CNTNAP2: variants seen among roughly 807,000 people sequenced by gnomAD.
CNTNAP2 encodes the protein contactin-associated protein-like 2.
In CNTNAP2, 98 loss-of-function variants were observed where a neutral mutation model predicts 155.2. The ratio of observed to expected loss-of-function variants is 0.63; its 90% CI spans 0.54 to 0.75. The LOEUF (loss-of-function observed/expected upper bound fraction) is 0.75. Among genes scored for constraint, CNTNAP2 ranks in the 30% least tolerant of loss-of-function variants. The pLI is 0.00. For synonymous variants in CNTNAP2, 651 were observed against 631.2 expected, an observed-to-expected ratio of 1.03 and a Z score of -0.47; for missense variants, 1,727 against 1,688.1, an observed-to-expected ratio of 1.02 and a Z score of -0.40.
intron 10 of CNTNAP2, among the ~76,000 whole-genome samples, chr7:147,450,278 T>C: frequency 6.6e-6 from 1 of 152,216 alleles, no homozygotes; most frequent in East Asian, 1.9e-4. Flanking sequence ...AGATGCAATA[T>C]GAGGAGCCTC....
At position 147,134,446 on chromosome 7, in the gene CNTNAP2, C is replaced by T. The variant is rs145719113; in HGVS notation, c.1348+1937C>T. On this transcript the variant is annotated intron_variant, in intron 8 of 23. Transcript: ENST00000361727. ...AAAAGATATAAAATCTAAAGATTTC[C>T]GTAGTATTACCCTTCTATAATCCAG... 3.0e-3 allele frequency among the ~76,000 whole-genome samples: 452 copies of T among 151,696 alleles called. 1 individual carries two copies. The highest frequency in any genetic ancestry group is 0.014 in the Middle Eastern group (4 of 288).
chr7:147,506,541 C>T (rs565000943), intron 11 of CNTNAP2, among the ~76,000 whole-genome samples: 357 of 152,328 alleles, frequency 2.3e-3, no homozygotes, highest in Non-Finnish European at 4.1e-3. Flanking sequence ...AGGCGTGAGC[C>T]ACCACGCCTG....
At chr7:146,756,639 A>C (rs1354004265) in intron 1 of CNTNAP2, among the ~76,000 whole-genome samples, 1 of 152,022 alleles carries the variant, frequency 6.6e-6, no homozygotes, top group Non-Finnish European at 1.5e-5. Flanking sequence ...TGTTTCACCA[A>C]ATCGAAAACT....
chr7:148,362,438 T>G (rs1416740721), intron 21 of CNTNAP2, among the ~76,000 whole-genome samples: 3 of 152,164 alleles, frequency 2.0e-5, no homozygotes, highest in African/African-American at 4.8e-5. Flanking sequence ...TTGACATAGC[T>G]TTTTGGGGCA....
intron 13 of CNTNAP2, among the ~76,000 whole-genome samples, chr7:147,864,608 C>T (rs1013411443): frequency 2.0e-5 from 3 of 152,176 alleles, no homozygotes; most frequent in African/African-American, 7.2e-5. Context: ...TTTCATTGAG[C>T]AGTGTTTTGT....
At chr7:147,553,642 G>A (rs1478409961) in intron 11 of CNTNAP2, among the ~76,000 whole-genome samples, 1 of 152,108 alleles carries the variant, frequency 6.6e-6, no homozygotes, top group Admixed American at 6.6e-5. Flanking sequence ...CCTAGGGCAA[G>A]GTATAGTGTT....
intron 21 of CNTNAP2, among the ~76,000 whole-genome samples, chr7:148,290,223 A>G (rs1024835714): frequency 5.3e-5 from 8 of 152,232 alleles, no homozygotes; most frequent in Non-Finnish European, 1.2e-4. Flanking sequence ...AAAATAGAGG[A>G]AAAAGAAAAA....
chr7:147,072,687 T>C (rs998042261), intron 4 of CNTNAP2, among the ~76,000 whole-genome samples: 2 of 152,044 alleles, frequency 1.3e-5, no homozygotes, highest in Admixed American at 1.3e-4. Flanking sequence ...ATGCCTCCCA[T>C]GTGTCAGTCT....
In CNTNAP2 at chr7:147,249,900, C is replaced by G. The variant is rs998043347; in HGVS notation, c.1349-50241C>G. Among the ~76,000 whole-genome samples the G allele has an allele frequency of 3.3e-5, 5 of 152,168 alleles. No homozygotes were observed. In the East Asian group the frequency reaches 9.6e-4, roughly 29 times the overall value. On this transcript the variant is annotated intron_variant, in intron 8 of 23. Transcript: ENST00000361727. ...CTCTGCACACACAACCCTCACGCAG[C>G]TTTCATGCTGCCTAAATCAGCCTGT...
At chr7:148,395,757 C>G (rs1347079536) in intron 22 of CNTNAP2, among the ~76,000 whole-genome samples, 2 of 152,126 alleles carry the variant, frequency 1.3e-5, no homozygotes, top group Admixed American at 6.5e-5. Flanking sequence ...TCAGGGGCTG[C>G]CTTTATTCAA....
At chr7:147,066,136 A>G (rs1799775570) in intron 4 of CNTNAP2, among the ~76,000 whole-genome samples, 1 of 152,226 alleles carries the variant, frequency 6.6e-6, no homozygotes, top group Non-Finnish European at 1.5e-5. Flanking sequence ...GAAGGCAACA[A>G]AGGTCACACT....
At chr7:146,415,613 A>C (rs1215239878) in intron 1 of CNTNAP2, among the ~76,000 whole-genome samples, 2 of 143,802 alleles carry the variant, frequency 1.4e-5, no homozygotes. Flanking sequence ...TTTGACCCAC[A>C]TAGTTTAAGA....
Position 148,117,163 on chromosome 7 carries a change from G to T in CNTNAP2, c.2384-955G>T, listed in dbSNP as rs552869637. Among the ~76,000 whole-genome samples, 16 of 152,306 alleles carry T rather than the reference G, an allele frequency of 1.1e-4. No homozygotes were observed. In the East Asian group the frequency reaches 3.1e-3, roughly 29 times the overall value. On this transcript the variant is annotated intron_variant, in intron 15 of 23. Coordinates refer to ENST00000361727, the MANE Select transcript of CNTNAP2 (RefSeq NM_014141.6). ...AGCTGCTTTTCTCCTGGAAACACTG[G>T]CTGCTCTGTCAGGCAATGAGTGGGG...
chr7:146,745,500 G>A (rs575863542), intron 1 of CNTNAP2, among the ~76,000 whole-genome samples: 82 of 152,142 alleles, frequency 5.4e-4, no homozygotes, highest in Middle Eastern at 6.8e-3. Flanking sequence ...CTGTTAAGGC[G>A]GCTGGGCGCG....
chr7:147,250,054 A>C (rs939585809), intron 8 of CNTNAP2, among the ~76,000 whole-genome samples: 1 of 152,208 alleles, frequency 6.6e-6, no homozygotes, highest in Non-Finnish European at 1.5e-5. Context: ...AAACTTTAAA[A>C]ATTCTAATAC....
chr7:147,678,089 T>A (rs145866507), intron 13 of CNTNAP2, among the ~76,000 whole-genome samples: 2,494 of 152,014 alleles, frequency 0.016, 221 homozygotes, highest in Admixed American at 0.15. Context: ...CTAAACTTGA[T>A]AACCAATCAT....
At chr7:147,896,310 C>G (rs1377517950) in intron 13 of CNTNAP2, among the ~76,000 whole-genome samples, 2 of 152,164 alleles carry the variant, frequency 1.3e-5, no homozygotes, top group Non-Finnish European at 2.9e-5. Context: ...CAGCTCAGGG[C>G]TTCTACTGGA....
Position 148,156,425 on chromosome 7 carries a change from A to AC in CNTNAP2, c.2773+8716_2773+8717insC, listed in dbSNP as rs1298630868. ...TCCACAGCCGTGTGCTGTCCTGCTTATTTTTCCTACCAAGCTGGCCATCAC... is the reference window on the plus strand; with the variant it reads ...TCCACAGCCGTGTGCTGTCCTGCTTACTTTTTCCTACCAAGCTGGCCATCAC... On this transcript the variant is annotated intron_variant, in intron 17 of 23. Coordinates refer to ENST00000361727, the MANE Select transcript of CNTNAP2 (RefSeq NM_014141.6). Among the ~76,000 whole-genome samples the AC allele has an allele frequency of 3.3e-5, 5 of 151,790 alleles. No homozygotes were observed. In the East Asian group the frequency reaches 9.7e-4, roughly 30 times the overall value.
intron 13 of CNTNAP2, among the ~76,000 whole-genome samples, chr7:147,889,166 C>T (rs1799645609): frequency 6.6e-6 from 1 of 151,216 alleles, no homozygotes; most frequent in Non-Finnish European, 1.5e-5. Flanking sequence ...AAATTCTAAA[C>T]CAGTAGAAAA....
Sources: allele counts gnomAD v4.1 joint callset (sites outside exome capture counted in the v4.1 genomes callset), GRCh38; gene constraint gnomAD v4.1.1; transcripts MANE v1.5; gene names NCBI Gene and HGNC (gene_info 2026-07-23, HGNC 2026-07-21).